The following RBFOX1 variants were observed in gnomAD, a reference collection of about 807,000 sequenced individuals.
RBFOX1 encodes RNA binding protein fox-1 homolog 1.
A neutral mutation model predicts 57.7 loss-of-function variants in RBFOX1; 8 were observed. That is an observed-to-expected ratio of 0.14 (90% CI 0.08 to 0.25). RBFOX1 has a LOEUF of 0.25. Ranked by LOEUF, RBFOX1 falls within the 10% of genes least tolerant of loss-of-function variation. RBFOX1 has a pLI of 1.00. For missense variants in RBFOX1, 611 were observed against 548.5 expected (o/e 1.11, Z -1.14); for synonymous variants, 326 against 222.4 (o/e 1.47, Z -4.15).
intron 1 of RBFOX1, among the ~76,000 whole-genome samples, chr16:5,316,445 C>G (rs940929400): frequency 1.3e-5 from 2 of 152,154 alleles, no homozygotes; most frequent in Non-Finnish European, 2.9e-5. Flanking sequence ...CGTGGAGCAG[C>G]TTGAGGCCAG....
intron 3 of RBFOX1, among the ~76,000 whole-genome samples, chr16:5,854,076 C>A (rs1159290359): frequency 1.3e-5 from 2 of 152,184 alleles, no homozygotes; most frequent in Non-Finnish European, 2.9e-5. Flanking sequence ...GAACTGTATT[C>A]TTTAAGGTTA....
intron 4 of RBFOX1, among the ~76,000 whole-genome samples, chr16:7,282,384 C>A (rs1464476452): frequency 6.6e-6 from 1 of 152,148 alleles, no homozygotes; most frequent in Non-Finnish European, 1.5e-5. Flanking sequence ...AACAGAAACT[C>A]ACCCTGTATG....
intron 3 of RBFOX1, among the ~76,000 whole-genome samples, chr16:6,925,226 C>T (rs531371914): frequency 5.0e-4 from 67 of 134,554 alleles, no homozygotes; most frequent in Non-Finnish European, 5.5e-4. Flanking sequence ...CTCTGCCTCC[C>T]GGGCTCAAGC....
intron 4 of RBFOX1, among the ~76,000 whole-genome samples, chr16:5,877,416 A>G (rs1031686309): frequency 6.6e-6 from 1 of 152,378 alleles, no homozygotes; most frequent in East Asian, 1.9e-4. Context: ...AAGTGGGTTC[A>G]AGGGGGAGAG....
chr16:6,806,817 A>ATAT (rs2086888442), intron 3 of RBFOX1, among the ~76,000 whole-genome samples: 1 of 85,136 alleles, frequency 1.2e-5, no homozygotes, highest in African/African-American at 4.4e-5. Flanking sequence ...TAAATATATA[A>ATAT]ATATATATAT....
At chr16:7,018,473 A>G (rs1305607530) in intron 3 of RBFOX1, among the ~76,000 whole-genome samples, 5 of 152,258 alleles carry the variant, frequency 3.3e-5, no homozygotes, top group African/African-American at 1.2e-4. Context: ...AATCCAGTCT[A>G]TCATTGATGG....
intron 3 of RBFOX1, among the ~76,000 whole-genome samples, chr16:6,893,104 T>A (rs1372435598): frequency 6.6e-6 from 1 of 152,166 alleles, no homozygotes; most frequent in Non-Finnish European, 1.5e-5. Context: ...CCCTCCTAGA[T>A]TCCATTCACA....
chr16:5,744,981 A>C (rs375331705), intron 3 of RBFOX1, among the ~76,000 whole-genome samples: 23 of 152,200 alleles, frequency 1.5e-4, no homozygotes, highest in African/African-American at 4.6e-4. Context: ...TCTAGGCTAC[A>C]TGTGCACAAC....
intron 4 of RBFOX1, among the ~76,000 whole-genome samples, chr16:7,329,651 G>A (rs1213216955): frequency 1.3e-5 from 2 of 152,168 alleles, no homozygotes; most frequent in African/African-American, 2.4e-5. Flanking sequence ...AATCATACAG[G>A]ACAATAATAT....
At chr16:6,754,183 A>C (rs113387146) in intron 3 of RBFOX1, among the ~76,000 whole-genome samples, 1 of 152,170 alleles carries the variant, frequency 6.6e-6, no homozygotes, top group South Asian at 2.1e-4. Flanking sequence ...AAAACTCAAC[A>C]CTCAGGCAGC....
chr16:6,779,981 TTATATA>T lies in RBFOX1; in HGVS notation c.-16+125333_-16+125338del, dbSNP rs1567210950. 1.8e-3 allele frequency among the ~76,000 whole-genome samples: 35 copies of T among 19,134 alleles called. 1 individual carries two copies. Among genetic ancestry groups the T allele is most frequent in the African/African-American group, 0.011 (35 of 3,050 alleles). 12.6% of individuals were successfully genotyped at this position (19,134 alleles called of 152,430 possible). A position where few individuals can be genotyped will look rare whatever the true frequency, so the allele number is the denominator to read the frequency against. On this transcript the variant is annotated intron_variant, in intron 3 of 15. Transcript: ENST00000550418. ...TATATATTTATATATATTTATATAT[TTATATA>T]TTTATATATTTATATATATTTATAT...
At chr16:6,899,148 C>G (rs370725262) in intron 3 of RBFOX1, among the ~76,000 whole-genome samples, 1,901 of 150,704 alleles carry the variant, frequency 0.013, 38 homozygotes, top group African/African-American at 0.044. Flanking sequence ...TGTATGGACA[C>G]ACGTGTATGT....
chr16:7,231,518 A>G (rs932469936), intron 4 of RBFOX1, among the ~76,000 whole-genome samples: 1 of 152,204 alleles, frequency 6.6e-6, no homozygotes, highest in African/African-American at 2.4e-5. Context: ...CATATGACCC[A>G]GCAAACCCAT....
At chr16:5,854,472 G>T (rs957730554) in intron 3 of RBFOX1, among the ~76,000 whole-genome samples, 1 of 152,084 alleles carries the variant, frequency 6.6e-6, no homozygotes, top group Non-Finnish European at 1.5e-5. Context: ...TTAGCATAAT[G>T]TCCTCCAGCT....
intron 1 of RBFOX1, among the ~76,000 whole-genome samples, chr16:6,170,258 C>A (rs529091668): frequency 6.6e-6 from 1 of 152,234 alleles, no homozygotes; most frequent in South Asian, 2.1e-4. Context: ...CCAGTATTTG[C>A]CATTTGCTTG....
chr16:6,472,873 C>A (rs944320148), intron 2 of RBFOX1, among the ~76,000 whole-genome samples: 1 of 152,092 alleles, frequency 6.6e-6, no homozygotes, highest in Non-Finnish European at 1.5e-5. Flanking sequence ...GATCCACCCA[C>A]CTCGGCCTCC....
At chr16:5,932,389 G>T (rs2059079429) in intron 4 of RBFOX1, among the ~76,000 whole-genome samples, 1 of 152,126 alleles carries the variant, frequency 6.6e-6, no homozygotes, top group Non-Finnish European at 1.5e-5. Context: ...TCCAACAACG[G>T]GAATGAATAT....
At chr16:5,305,649 G>T (rs2063914823) in intron 1 of RBFOX1, among the ~76,000 whole-genome samples, 1 of 152,304 alleles carries the variant, frequency 6.6e-6, no homozygotes, top group East Asian at 1.9e-4. Context: ...GTCTGCTGAA[G>T]AAGAAATGGG....
At chr16:7,099,161 C>A (rs2062213133) in intron 4 of RBFOX1, among the ~76,000 whole-genome samples, 1 of 152,104 alleles carries the variant, frequency 6.6e-6, no homozygotes, top group South Asian at 2.1e-4. Flanking sequence ...TTAGTTGTAA[C>A]CATCAATACT....
Sources: allele counts gnomAD v4.1 joint callset (sites outside exome capture counted in the v4.1 genomes callset), GRCh38; gene constraint gnomAD v4.1.1; transcripts MANE v1.5; gene names NCBI Gene and HGNC (gene_info 2026-07-23, HGNC 2026-07-21).